Variants in PDE1C observed in about 807,000 individuals in gnomAD.
The protein encoded by PDE1C is phosphodiesterase 1C.
A neutral mutation model predicts 93.1 loss-of-function variants in PDE1C; 62 were observed. That is an observed-to-expected ratio of 0.67 (90% CI 0.54 to 0.82). The LOEUF (loss-of-function observed/expected upper bound fraction) is 0.82, where lower values mean the gene tolerates loss of function less well. Among genes scored for constraint, PDE1C ranks in the 40% least tolerant of loss-of-function variants. PDE1C has a pLI of 0.00. For missense variants in PDE1C, 742 were observed against 884.6 expected, an observed-to-expected ratio of 0.84 and a Z score of 2.04; for synonymous variants, 325 against 310.1, an observed-to-expected ratio of 1.05 and a Z score of -0.50.
chr7:31,963,790 A>C (rs541117698), intron 2 of PDE1C, among the ~76,000 whole-genome samples: 1 of 152,338 alleles, frequency 6.6e-6, no homozygotes, highest in African/African-American at 2.4e-5. Flanking sequence ...TCTGGCATTG[A>C]ATTAGGCTAG....
At chr7:31,773,781 G>A (rs190223025) in intron 17 of PDE1C, among the ~76,000 whole-genome samples, 56 of 152,242 alleles carry the variant, frequency 3.7e-4, no homozygotes, top group African/African-American at 1.3e-3. Flanking sequence ...GTAAGTGCCT[G>A]TCACCTTGGC....
chr7:32,149,691 T>G (rs1310019128), intron 3 of PDE1C, among the ~76,000 whole-genome samples: 1 of 152,328 alleles, frequency 6.6e-6, no homozygotes, highest in East Asian at 1.9e-4. Context: ...AACGTGATAC[T>G]ATGTGATCAA....
At position 32,400,172 on chromosome 7, in the gene PDE1C, C is replaced by G. The variant is rs186104294; in HGVS notation, c.310+27650G>C. ...CACCGTATTATTATTAATTCCCCAACAAGAGTGAAAGCCCTCAACAGAAAA... is the reference window on the plus strand; with the variant it reads ...CACCGTATTATTATTAATTCCCCAAGAAGAGTGAAAGCCCTCAACAGAAAA... On this transcript the variant is annotated intron_variant, in intron 1 of 1. Transcript: ENST00000672256. Among the ~76,000 whole-genome samples the G allele has an allele frequency of 2.0e-3, 312 of 152,300 alleles. 1 individual carries two copies. Among genetic ancestry groups the G allele is most frequent in the African/African-American group, 7.1e-3 (294 of 41,566 alleles).
chr7:31,707,697 CTG>C, the PDE1C span: 1 of 168,126 alleles, frequency 5.9e-6, no homozygotes, highest in Non-Finnish European at 1.3e-5. Flanking sequence ...GTGGGGTTCC[CTG>C]TTGCCAGTTA....
chr7:32,092,422 G>A (rs548409536), intron 3 of PDE1C, among the ~76,000 whole-genome samples: 7 of 152,224 alleles, frequency 4.6e-5, no homozygotes, highest in Non-Finnish European at 7.4e-5. Context: ...AGGAGCTCTG[G>A]GCAGATGCTG....
chr7:31,648,571 C>T, the PDE1C span, among the ~76,000 whole-genome samples: 1 of 152,136 alleles, frequency 6.6e-6, no homozygotes. Context: ...AACCAAAACA[C>T]CCCAGTCTTA....
At chr7:32,330,942 C>T (rs996173459) in intron 1 of PDE1C, among the ~76,000 whole-genome samples, 3 of 152,206 alleles carry the variant, frequency 2.0e-5, no homozygotes, top group Non-Finnish European at 2.9e-5. Flanking sequence ...TATGCACACT[C>T]AGTTCCTCCT....
chr7:31,622,257 A>G, the PDE1C span, among the ~76,000 whole-genome samples: 2 of 149,578 alleles, frequency 1.3e-5, no homozygotes, highest in African/African-American at 2.5e-5. Flanking sequence ...AAGCGGACCT[A>G]ATAGGCATCT....
chr7:32,247,686 T>C (rs1417584087), intron 1 of PDE1C, among the ~76,000 whole-genome samples: 1 of 152,198 alleles, frequency 6.6e-6, no homozygotes, highest in Non-Finnish European at 1.5e-5. Flanking sequence ...ATAAATAACA[T>C]GAGATACTCA....
intron 3 of PDE1C, among the ~76,000 whole-genome samples, chr7:32,167,574 C>T (rs540597960): frequency 7.2e-5 from 11 of 152,206 alleles, no homozygotes; most frequent in Non-Finnish European, 1.2e-4. Context: ...ACAGGATAAG[C>T]GATGATTCTT....
chr7:31,741,748 T>C, the PDE1C span, among the ~76,000 whole-genome samples: 4 of 152,124 alleles, frequency 2.6e-5, no homozygotes. Flanking sequence ...CAGGAAGAAA[T>C]GAGCTTACCT....
the PDE1C span, among the ~76,000 whole-genome samples, chr7:31,732,636 TTCTGTGTG>T: frequency 8.7e-5 from 9 of 103,126 alleles, no homozygotes; most frequent in East Asian, 2.6e-4. Context: ...TCTCCTCTCT[TTCTGTGTG>T]TGTGTGTGTG....
intron 1 of PDE1C, among the ~76,000 whole-genome samples, chr7:32,406,820 C>T (rs1785061330): frequency 6.6e-6 from 1 of 152,150 alleles, no homozygotes; most frequent in Non-Finnish European, 1.5e-5. Flanking sequence ...ATCTGACCAG[C>T]TGTATAGGCA....
At chr7:31,705,319 T>C in the PDE1C span, among the ~76,000 whole-genome samples, 1 of 152,182 alleles carries the variant, frequency 6.6e-6, no homozygotes, top group African/African-American at 2.4e-5. Context: ...TTGAATCAAC[T>C]CAATTTTGGC....
At chr7:31,907,596 C>T (rs1011089871) in intron 2 of PDE1C, among the ~76,000 whole-genome samples, 3 of 152,128 alleles carry the variant, frequency 2.0e-5, no homozygotes, top group African/African-American at 7.2e-5. Context: ...TCCTCCCTTT[C>T]ATTTCATTCT....
chr7:32,067,255 AAT>A (rs1437446321), intron 1 of PDE1C, among the ~76,000 whole-genome samples: 1 of 152,190 alleles, frequency 6.6e-6, no homozygotes, highest in Non-Finnish European at 1.5e-5. Context: ...CTATGTTTCA[AAT>A]ATGTATTACT....
chr7:32,124,747 T>C (rs1217115435), intron 3 of PDE1C, among the ~76,000 whole-genome samples: 4 of 152,152 alleles, frequency 2.6e-5, no homozygotes, highest in Non-Finnish European at 4.4e-5. Context: ...AAGACTTAAG[T>C]GTAAAGCCCT....
chr7:32,147,321 A>C (rs58110837), intron 3 of PDE1C, among the ~76,000 whole-genome samples: 1 of 139,138 alleles, frequency 7.2e-6, no homozygotes, highest in Non-Finnish European at 1.5e-5. Context: ...AGAAAGAAAG[A>C]AAGAAAGAAA....
rs371769048 is a variant in PDE1C, at chr7:32,184,150, T to A, written c.137-14194A>T. 3.8e-4 allele frequency among the ~76,000 whole-genome samples: 58 copies of A among 152,204 alleles called. No homozygotes were observed. In the East Asian group the frequency reaches 3.9e-3, roughly 10 times the overall value. On this transcript the variant is annotated intron_variant, in intron 2 of 18. Coordinates refer to the PDE1C transcript ENST00000396193. ...GATCATTAAAAAGTCAGGAAACAAC[T>A]GGTGCTGGAGAGGATGTGGAGAAAT...
Sources: gnomAD v4.1 joint callset for allele counts (sites outside exome capture counted in the v4.1 genomes callset) on GRCh38, gnomAD v4.1.1 for gene constraint, MANE v1.5 for transcripts, NCBI Gene and HGNC (gene_info 2026-07-23, HGNC 2026-07-21) for gene names.